The following RAB3C variants were observed in gnomAD, a reference collection of about 807,000 sequenced individuals.
RAB3C encodes the protein ras-related protein Rab-3C.
RAB3C carries 17 observed loss-of-function variants against 26.4 expected under a neutral mutation model. That is an observed-to-expected ratio of 0.64 (90% CI 0.44 to 0.97). The LOEUF (loss-of-function observed/expected upper bound fraction) is 0.97, where lower values mean the gene tolerates loss of function less well. Ranked by LOEUF, RAB3C falls within the 50% of genes least tolerant of loss-of-function variation. The pLI, the probability that RAB3C is intolerant of heterozygous loss-of-function variation, is 0.00. For synonymous variants in RAB3C, 91 were observed against 95.9 expected, an observed-to-expected ratio of 0.95 and a Z score of 0.30; for missense variants, 242 against 281.9, an observed-to-expected ratio of 0.86 and a Z score of 1.01.
chr5:58,835,212 C>T (rs1459679811), intron 4 of RAB3C, among the ~76,000 whole-genome samples: 1 of 152,164 alleles, frequency 6.6e-6, no homozygotes, highest in Non-Finnish European at 1.5e-5. Flanking sequence ...TGAATAAACT[C>T]TCAAGACTCT....
Position 58,852,586 on chromosome 5 carries a change from A to C in RAB3C, c.*1235A>C, listed in dbSNP as rs1744136977. The C allele has an allele frequency of 6.6e-6, 1 of 152,202 alleles. No homozygotes were observed. The highest frequency in any genetic ancestry group is 2.1e-4 in the South Asian group (1 of 4,832). 9.4% of individuals were successfully genotyped at this position (152,202 alleles called of 1,614,324 possible). On this transcript the variant is annotated 3_prime_UTR_variant, in exon 5 of 5. Transcript: ENST00000282878. ...TAACTGTAGTATTTCAATTTCAGAA[A>C]TATTTAGGATCCATAGCAATTTAAA...
At chr5:58,617,604 C>A in intron 1 of RAB3C, 39 bp from the exon 2 acceptor site, 1 of 1,431,066 alleles carries the variant, frequency 7.0e-7, no homozygotes, top group Non-Finnish European at 9.9e-7. Context: ...GTCTGATCTA[C>A]ACCTATTTTG....
intron 2 of RAB3C, among the ~76,000 whole-genome samples, chr5:58,638,559 A>T (rs1218856497): frequency 6.6e-6 from 1 of 152,236 alleles, no homozygotes; most frequent in Non-Finnish European, 1.5e-5. Context: ...GTGTTATTTT[A>T]TAATTATAAC....
At chr5:58,761,061 T>TCACACACACACACACACACACA (rs769194224) in intron 3 of RAB3C, among the ~76,000 whole-genome samples, 9 of 126,442 alleles carry the variant, frequency 7.1e-5, no homozygotes, top group African/African-American at 2.6e-4. Flanking sequence ...TCTCTCTCTC[T>TCACACACACACACACACACACA]CTCACACACA....
chr5:58,822,656 T>G (rs1198818716), intron 3 of RAB3C: 6 of 391,398 alleles, frequency 1.5e-5, no homozygotes, highest in Non-Finnish European at 3.0e-5. Context: ...TACAGGGTGA[T>G]AGTCTGTGTA....
At chr5:58,795,434 C>T (rs890274526) in intron 3 of RAB3C, among the ~76,000 whole-genome samples, 1 of 152,158 alleles carries the variant, frequency 6.6e-6, no homozygotes, top group Non-Finnish European at 1.5e-5. Flanking sequence ...TGGCATTTGT[C>T]CCCTCAGAAC....
At chr5:58,604,131 G>A (rs1746511621) in intron 1 of RAB3C, among the ~76,000 whole-genome samples, 1 of 152,230 alleles carries the variant, frequency 6.6e-6, no homozygotes, top group African/African-American at 2.4e-5. Context: ...GGTACTGGAG[G>A]TTGTCTGCAC....
chr5:58,744,373 G>A (rs1741345339), intron 3 of RAB3C, among the ~76,000 whole-genome samples: 1 of 152,248 alleles, frequency 6.6e-6, no homozygotes, highest in Admixed American at 6.5e-5. Flanking sequence ...AAGTAGACAA[G>A]GAAGGACTGA....
At chr5:58,737,155 A>T (rs1741156233) in intron 3 of RAB3C, among the ~76,000 whole-genome samples, 1 of 151,828 alleles carries the variant, frequency 6.6e-6, no homozygotes, top group Non-Finnish European at 1.5e-5. Flanking sequence ...TTCCTAGAAC[A>T]TTCAAGACAT....
intron 1 of RAB3C, among the ~76,000 whole-genome samples, chr5:58,599,535 T>C (rs1746403900): frequency 6.6e-6 from 1 of 152,150 alleles, no homozygotes; most frequent in Non-Finnish European, 1.5e-5. Flanking sequence ...TTTACTCTGC[T>C]GCTGCCAAGA....
At chr5:58,583,012 C>T, upstream of RAB3C, 3 of 1,399,646 alleles carry the variant, frequency 2.1e-6, no homozygotes, top group Non-Finnish European at 2.8e-6. Flanking sequence ...GAGACTACAG[C>T]TCCCAGGAGT....
At position 58,752,016 on chromosome 5, in the gene RAB3C, A is replaced by G. The variant is rs116113696; in HGVS notation, c.371+25896A>G. On this transcript the variant is annotated intron_variant, in intron 3 of 4. Coordinates refer to ENST00000282878, the MANE Select transcript of RAB3C (RefSeq NM_138453.4). ...CTGACTTGGGGAGATAAATGAATAT[A>G]GAATTCCAGACTTGCCTAAACTGTT... 4.9e-3 allele frequency among the ~76,000 whole-genome samples: 749 copies of G among 152,318 alleles called. 6 individuals are homozygous for G. Among genetic ancestry groups the G allele is most frequent in the African/African-American group, 0.017 (702 of 41,558 alleles).
chr5:58,752,472 GAAA>G (rs10611772), intron 3 of RAB3C, among the ~76,000 whole-genome samples: 3,142 of 144,986 alleles, frequency 0.022, 99 homozygotes, highest in African/African-American at 0.074. Context: ...GTCAATGACA[GAAA>G]AAAAAAAAAA....
chr5:58,753,258 G>A (rs921698725), intron 3 of RAB3C, among the ~76,000 whole-genome samples: 6 of 152,102 alleles, frequency 3.9e-5, no homozygotes, highest in Admixed American at 3.9e-4. Flanking sequence ...TCTATGTAGA[G>A]GCATTATTTA....
At chr5:58,776,506 T>C (rs1310309509) in intron 3 of RAB3C, among the ~76,000 whole-genome samples, 1 of 152,162 alleles carries the variant, frequency 6.6e-6, no homozygotes, top group East Asian at 1.9e-4. Flanking sequence ...AACTCCTTTT[T>C]CTAATGATCT....
chr5:58,830,079 G>T (rs1224672468), intron 4 of RAB3C, among the ~76,000 whole-genome samples: 1 of 152,132 alleles, frequency 6.6e-6, no homozygotes, highest in East Asian at 1.9e-4. Context: ...TGAATGGGTA[G>T]TTACTTCTCT....
rs145939861 is a variant in RAB3C at position 58,650,378 on chromosome 5, G to A, written c.252+32508G>A. ...AAGTGAGACAGTAAAAAGAGGGAAG[G>A]GAGAGAGAAGGCTAGCATACAGAAA... On this transcript the variant is annotated intron_variant, in intron 2 of 4. Coordinates refer to ENST00000282878, the MANE Select transcript of RAB3C (RefSeq NM_138453.4). 9.6e-3 allele frequency among the ~76,000 whole-genome samples: 1,456 copies of A among 152,058 alleles called. 7 individuals are homozygous for A. Among genetic ancestry groups the A allele is most frequent in the Middle Eastern group, 0.068 (20 of 292 alleles).
chr5:58,750,595 A>G (rs1741501231), intron 3 of RAB3C, among the ~76,000 whole-genome samples: 1 of 152,212 alleles, frequency 6.6e-6, no homozygotes. Flanking sequence ...TTTGAAATAG[A>G]AGAAAAGAAA....
intron 1 of RAB3C, among the ~76,000 whole-genome samples, chr5:58,596,425 T>C (rs1049194910): frequency 6.8e-6 from 1 of 148,112 alleles, no homozygotes; most frequent in African/African-American, 2.5e-5. Context: ...TTTACTATTA[T>C]TGTAGAGAGG....
Sources: allele counts gnomAD v4.1 joint callset (sites outside exome capture counted in the v4.1 genomes callset), GRCh38; gene constraint gnomAD v4.1.1; transcripts MANE v1.5; gene names NCBI Gene and HGNC (gene_info 2026-07-23, HGNC 2026-07-21).